AGMO: variants seen among roughly 807,000 people sequenced by gnomAD.
AGMO encodes the protein glyceryl-ether monooxygenase.
A neutral mutation model predicts 60.2 loss-of-function variants in AGMO; 75 were observed. The observed-to-expected ratio is 1.25, with a 90% CI of 1.03 to 1.51. The LOEUF is 1.51. AGMO is among the 40% of genes most tolerant of loss of function. AGMO has a pLI of 0.00. For missense variants in AGMO, 763 were observed against 525.5 expected, an observed-to-expected ratio of 1.45 and a Z score of -4.42; for synonymous variants, 261 against 177.1, an observed-to-expected ratio of 1.47 and a Z score of -3.76.
Position 15,339,325 on chromosome 7 carries a change from G to A in AGMO, c.1263+26189C>T, listed in dbSNP as rs554579526. On this transcript the variant is annotated intron_variant, in intron 12 of 12. Coordinates refer to ENST00000342526, the MANE Select transcript of AGMO (RefSeq NM_001004320.2). ...ATACTTATTACTATTTACAGAATTA[G>A]ATATCCAAATGGAATGCTGTCATTT... is the stretch of plus-strand genomic sequence containing the variant. 3.9e-5 allele frequency among the ~76,000 whole-genome samples: 6 copies of A among 152,276 alleles called. No homozygotes were observed. The Middle Eastern group carries it at 0.01, about 259-fold the overall frequency.
chr7:15,326,170 T>C (rs1781334069), intron 12 of AGMO, among the ~76,000 whole-genome samples: 1 of 152,076 alleles, frequency 6.6e-6, no homozygotes, highest in African/African-American at 2.4e-5. Context: ...TAAATACATT[T>C]GAATTAAAGG....
At chr7:15,190,508 GA>G in the AGMO span, among the ~76,000 whole-genome samples, 1 of 151,940 alleles carries the variant, frequency 6.6e-6, no homozygotes, top group East Asian at 1.9e-4. Context: ...ATACAGCAGA[GA>G]AAGGACAATA....
chr7:15,160,687 A>G, the AGMO span, among the ~76,000 whole-genome samples: 1 of 152,286 alleles, frequency 6.6e-6, no homozygotes, highest in South Asian at 2.1e-4. Context: ...TGGTCATTCA[A>G]AAATATTTAT....
chr7:15,128,240 G>A, the AGMO span, among the ~76,000 whole-genome samples: 2 of 152,022 alleles, frequency 1.3e-5, no homozygotes, highest in Non-Finnish European at 2.9e-5. Context: ...TGGTTTCCCA[G>A]GTAGACAAAG....
intron 3 of AGMO, among the ~76,000 whole-genome samples, chr7:15,486,031 G>C (rs1004201542): frequency 3.9e-5 from 6 of 152,114 alleles, no homozygotes; most frequent in African/African-American, 1.4e-4. Flanking sequence ...CTGAGCTTCA[G>C]AACGATTAGA....
intron 3 of AGMO, among the ~76,000 whole-genome samples, chr7:15,543,055 A>G (rs553393470): frequency 3.0e-4 from 46 of 152,188 alleles, no homozygotes; most frequent in Middle Eastern, 3.4e-3. Flanking sequence ...ACTCACTCCT[A>G]CACAGAGAGC....
chr7:15,167,189 G>A, the AGMO span, among the ~76,000 whole-genome samples: 1 of 152,034 alleles, frequency 6.6e-6, no homozygotes. Flanking sequence ...TTATTTCACT[G>A]AAATATACTA....
At chr7:15,417,900 T>G (rs1027388217) in intron 5 of AGMO, among the ~76,000 whole-genome samples, 2 of 152,152 alleles carry the variant, frequency 1.3e-5, no homozygotes, top group Admixed American at 6.6e-5. Flanking sequence ...GGTAAGAATT[T>G]TTCTAGGTCT....
chr7:15,144,254 ATATTT>A, the AGMO span, among the ~76,000 whole-genome samples: 1 of 152,158 alleles, frequency 6.6e-6, no homozygotes, highest in Non-Finnish European at 1.5e-5. Flanking sequence ...ATTCAGTCAA[ATATTT>A]TATAAGGTAA....
intron 12 of AGMO, among the ~76,000 whole-genome samples, chr7:15,263,378 G>A (rs752220052): frequency 4.7e-5 from 7 of 150,100 alleles, no homozygotes; most frequent in Non-Finnish European, 7.4e-5. Flanking sequence ...ACCACAATGC[G>A]ATAACACCTC....
At chr7:15,512,791 A>T (rs1783708116) in intron 3 of AGMO, among the ~76,000 whole-genome samples, 1 of 152,128 alleles carries the variant, frequency 6.6e-6, no homozygotes. Flanking sequence ...GTACTATTCA[A>T]TATACATGAA....
At chr7:15,382,343 C>T (rs909799205) in intron 10 of AGMO, among the ~76,000 whole-genome samples, 2 of 151,970 alleles carry the variant, frequency 1.3e-5, no homozygotes, top group African/African-American at 2.4e-5. Context: ...CAGGTATATA[C>T]GAGGAATGTG....
At chr7:15,351,178 T>C (rs1288562176) in intron 12 of AGMO, among the ~76,000 whole-genome samples, 3 of 152,118 alleles carry the variant, frequency 2.0e-5, no homozygotes, top group Admixed American at 6.6e-5. Context: ...AAACAATTCA[T>C]GGGCAAATGT....
At chr7:15,248,395 A>G (rs1214510084) in intron 12 of AGMO, among the ~76,000 whole-genome samples, 3 of 151,696 alleles carry the variant, frequency 2.0e-5, no homozygotes, top group South Asian at 2.1e-4. Context: ...GCTATAACAA[A>G]TAAGTATTTT....
At chr7:15,280,529 A>G (rs576188722) in intron 12 of AGMO, among the ~76,000 whole-genome samples, 1 of 152,224 alleles carries the variant, frequency 6.6e-6, no homozygotes, top group South Asian at 2.1e-4. Flanking sequence ...AGCTTAACAC[A>G]AAGGACAGAA....
rs1250684808 is a variant in AGMO, at chr7:15,452,713, G to C, written c.410-21605C>G. On this transcript the variant is annotated intron_variant, in intron 3 of 12. Coordinates refer to ENST00000342526, the MANE Select transcript of AGMO (RefSeq NM_001004320.2). ...AGAAGAACAGTTACCATGTGATTCT[G>C]CAATTCTGCTTTTAGGTATATAGTC... Among the ~76,000 whole-genome samples the C allele has an allele frequency of 3.9e-5, 6 of 152,254 alleles. No individual in the cohort carries two copies. In the South Asian group the frequency reaches 1.2e-3, roughly 32 times the overall value.
intron 12 of AGMO, among the ~76,000 whole-genome samples, chr7:15,216,927 T>G (rs1177101061): frequency 1.3e-5 from 2 of 151,988 alleles, no homozygotes; most frequent in Non-Finnish European, 2.9e-5. Flanking sequence ...TAGATGTACA[T>G]ATCTCACACC....
intron 12 of AGMO, among the ~76,000 whole-genome samples, chr7:15,243,735 T>C (rs1189460164): frequency 6.6e-6 from 1 of 152,122 alleles, no homozygotes; most frequent in Non-Finnish European, 1.5e-5. Flanking sequence ...ATTCCAAAAA[T>C]GCACAATCTG....
the AGMO span, among the ~76,000 whole-genome samples, chr7:15,124,033 C>T: frequency 6.6e-6 from 1 of 152,070 alleles, no homozygotes; most frequent in African/African-American, 2.4e-5. Context: ...TTTTAAAAAG[C>T]TTGTGGTTTT....
Sources: allele counts gnomAD v4.1 joint callset (sites outside exome capture counted in the v4.1 genomes callset), GRCh38; gene constraint gnomAD v4.1.1; transcripts MANE v1.5; gene names NCBI Gene and HGNC (gene_info 2026-07-23, HGNC 2026-07-21).